NFE2L3: variants seen among roughly 807,000 people sequenced by gnomAD.
NFE2L3 encodes the protein NFE2 like bZIP transcription factor 3, also known as nuclear factor erythroid 2-related factor 3.
A neutral mutation model predicts 23.5 loss-of-function variants in NFE2L3; 18 were observed. The ratio of observed to expected loss-of-function variants is 0.77; its 90% CI spans 0.53 to 1.13. The LOEUF (loss-of-function observed/expected upper bound fraction) is 1.13, where lower values mean the gene tolerates loss of function less well. Ranked by LOEUF, NFE2L3 falls within the 50% of genes most tolerant of loss-of-function variation. The pLI is 0.00. For synonymous variants in NFE2L3, 424 were observed against 354.5 expected (o/e 1.20, Z -2.20); for missense variants, 1,152 against 877.2 (o/e 1.31, Z -3.96).
intron 1 of NFE2L3, among the ~76,000 whole-genome samples, chr7:26,169,048 G>T (rs1404922769): frequency 6.6e-6 from 1 of 152,174 alleles, no homozygotes; most frequent in Non-Finnish European, 1.5e-5. Flanking sequence ...TTTGCAGACT[G>T]CACATTATAT....
intron 1 of NFE2L3, chr7:26,174,451 T>A (rs1257089405): frequency 6.6e-6 from 1 of 152,196 alleles, no homozygotes; most frequent in Non-Finnish European, 1.5e-5. Context: ...AAAGAACTGT[T>A]GATGCAGAAG....
chr7:26,164,708 G>GTT (rs1356056464), intron 1 of NFE2L3, among the ~76,000 whole-genome samples: 2 of 152,200 alleles, frequency 1.3e-5, no homozygotes, highest in African/African-American at 4.8e-5. Flanking sequence ...TGCTTTTGGT[G>GTT]TTTTAGACAT....
intron 2 of NFE2L3, among the ~76,000 whole-genome samples, chr7:26,181,904 T>C (rs765933704): frequency 1.3e-5 from 2 of 152,094 alleles, no homozygotes; most frequent in Non-Finnish European, 2.9e-5. Context: ...AAGAAAGATC[T>C]AAGAAAATTA....
In NFE2L3 at chr7:26,185,878, A is replaced by G. The variant is rs1767616653; in HGVS notation, c.*95A>G. 2.0e-6 allele frequency: 2 copies of G among 1,007,732 alleles called. No individual in the cohort carries two copies. The highest frequency in any genetic ancestry group is 1.8e-5 in the South Asian group (1 of 55,828). The allele number at this position is 1,007,732 out of a possible 1,614,324, so 62.4% of individuals were successfully genotyped here. On this transcript the variant is annotated 3_prime_UTR_variant, in exon 4 of 4. Coordinates refer to ENST00000056233, the MANE Select transcript of NFE2L3 (RefSeq NM_004289.7). The stretch of plus-strand genomic sequence containing the variant: ...CCATTGAAACTGCTTCAAGAATTGT[A>G]TCTTTAAGTACTGCTACTTGAATAA...
At chr7:26,165,571 T>C (rs1313964693) in intron 1 of NFE2L3, among the ~76,000 whole-genome samples, 2 of 152,230 alleles carry the variant, frequency 1.3e-5, no homozygotes, top group East Asian at 3.8e-4. Flanking sequence ...ATTTTCTAGA[T>C]ATACAATCAT....
intron 2 of NFE2L3, 61 bp from the exon 3 acceptor site, chr7:26,183,640 C>T: frequency 3.9e-6 from 4 of 1,026,686 alleles, no homozygotes; most frequent in South Asian, 2.6e-5. Context: ...AAGATAAAGC[C>T]TAAAGCCCCA....
In NFE2L3 at chr7:26,185,533, A is replaced by T. The variant is rs1782461454; in HGVS notation, c.1835A>T (p.Asn612Ile). 2 of 1,613,958 alleles carry T rather than the reference A, an allele frequency of 1.2e-6. No individual in the cohort carries two copies. Among genetic ancestry groups the T allele is most frequent in the Non-Finnish European group, 1.7e-6 (2 of 1,179,842 alleles). ...IILNLEDDVC[N>I]LQAKKETLKR... ...TTGAATTTAGAAGATGATGTATGTA[A>T]CTTGCAAGCAAAGAAGGAAACTCTT... Residue 612 changes from asparagine (N) to isoleucine (I), a missense_variant, in exon 4 of 4, where the codon AAC becomes ATC. By Grantham distance (149) the Asn-to-Ile change is moderately radical (BLOSUM62 -3). Transcript: ENST00000056233.
intron 1 of NFE2L3, among the ~76,000 whole-genome samples, chr7:26,177,367 C>T (rs1413924518): frequency 6.6e-6 from 1 of 152,230 alleles, no homozygotes; most frequent in African/African-American, 2.4e-5. Flanking sequence ...GAGGCCGAGG[C>T]GGGCAGATCA....
chr7:26,178,190 TTG>T (rs2128099605), intron 2 of NFE2L3, 68 bp downstream of exon 2: 1 of 1,392,348 alleles, frequency 7.2e-7, no homozygotes, highest in East Asian at 2.4e-5. Flanking sequence ...CATTGACAGT[TTG>T]TGTCAAGAAT....
rs1456566319 is a variant in NFE2L3, at chr7:26,185,922, G to A, written c.*139G>A. 1.7e-5 allele frequency: 13 copies of A among 743,388 alleles called. No homozygotes were observed. The highest frequency in any genetic ancestry group is 2.3e-5 in the Non-Finnish European group (11 of 476,112). 46.0% of individuals were successfully genotyped at this position (743,388 alleles called of 1,614,324 possible). On this transcript the variant is annotated 3_prime_UTR_variant, in exon 4 of 4. Transcript: ENST00000056233. ...TGAATAACTCAGTTAACGCTGTTTT[G>A]AAGCTTACATGGACAAATGTTTAGG...
At chr7:26,182,863 G>A (rs1782358068) in intron 2 of NFE2L3, among the ~76,000 whole-genome samples, 1 of 152,092 alleles carries the variant, frequency 6.6e-6, no homozygotes, top group Non-Finnish European at 1.5e-5. Context: ...GCGCTGTCAC[G>A]ACTCACTGCA....
intron 2 of NFE2L3, among the ~76,000 whole-genome samples, chr7:26,180,244 A>C (rs911240301): frequency 2.0e-5 from 3 of 152,172 alleles, no homozygotes; most frequent in African/African-American, 7.2e-5. Flanking sequence ...GACATTCTTC[A>C]GATGAAGGGG....
Position 26,184,707 on chromosome 7 carries a change from C to G in NFE2L3, c.1009C>G (p.Gln337Glu), listed in dbSNP as rs2128100659. ...FRRDPTARTS[Q>E]SQEPFLQLNS... ...AAGAGATCCAACAGCAAGGACTTCA[C>G]AGTCACAAGAACCATTTCTGCAGTT... The change falls in exon 4 of 4, where the codon CAG becomes GAG. Residue 337 changes from glutamine to glutamate, a missense_variant. Physicochemically the swap from Gln to Glu is conservative, Grantham distance 29. Coordinates refer to ENST00000056233, the MANE Select transcript of NFE2L3 (RefSeq NM_004289.7). 6.8e-6 allele frequency: 11 copies of G among 1,613,900 alleles called. No homozygotes were observed. The highest frequency in any genetic ancestry group is 9.3e-6 in the Non-Finnish European group (11 of 1,179,842).
In NFE2L3 at chr7:26,184,999, A is replaced by G; in HGVS notation, c.1301A>G (p.Lys434Arg). Residue 434 changes from lysine (K) to arginine (R), a missense_variant, in exon 4 of 4, where the codon AAG becomes AGG. Lys to Arg is a conservative substitution (Grantham distance 26). Coordinates refer to ENST00000056233, the MANE Select transcript of NFE2L3 (RefSeq NM_004289.7). ...DSSHNNTSVI[K>R]SNSSHSVCDE... ...AGTCACAATAATACCTCTGTCATCA[A>G]GTCTAATTCCTCTCACTCTGTGTGT... 2.5e-6 allele frequency: 4 copies of G among 1,613,880 alleles called. No homozygotes were observed. Among genetic ancestry groups the G allele is most frequent in the Non-Finnish European group, 1.7e-6 (2 of 1,179,834 alleles).
At position 26,185,610 on chromosome 7, in the gene NFE2L3, C is replaced by A; in HGVS notation, c.1912C>A (p.Leu638Met). Residue 638 changes from leucine to methionine, a missense_variant, in exon 4 of 4, where the codon CTG (leucine) becomes ATG (methionine). By Grantham distance (15) the Leu-to-Met change is conservative. Transcript: ENST00000056233. ...NKAINIMKQK[L>M]HDLYHDIFSR... Reference sequence around the variant, plus strand: ...AGCTATTAACATAATGAAACAGAAACTGCATGACCTTTATCATGATATTTT... The same window carrying A: ...AGCTATTAACATAATGAAACAGAAAATGCATGACCTTTATCATGATATTTT... 7.4e-6 allele frequency: 12 copies of A among 1,613,834 alleles called. No individual in the cohort carries two copies. Among genetic ancestry groups the A allele is most frequent in the Non-Finnish European group, 1.0e-5 (12 of 1,179,800 alleles).
At position 26,152,481 on chromosome 7, in the gene NFE2L3, C is replaced by G. The variant is rs766435184; in HGVS notation, c.-18C>G. 2.9e-5 allele frequency: 38 copies of G among 1,293,062 alleles called. No homozygotes were observed. The highest frequency in any genetic ancestry group is 3.6e-5 in the Non-Finnish European group (37 of 1,022,154). 80.1% of individuals were successfully genotyped at this position (1,293,062 alleles called of 1,614,324 possible). ...ACCCGCGGGCGCCGGCAGGGGCGTTCCCGGGCGCGCGGCGGCGATGAAGCA... is the reference window on the plus strand; with the variant it reads ...ACCCGCGGGCGCCGGCAGGGGCGTTGCCGGGCGCGCGGCGGCGATGAAGCA... On this transcript the variant is annotated 5_prime_UTR_variant, in exon 1 of 4. Transcript: ENST00000056233. This position sits in a 1 kb window ranked among gnomAD's most constrained non-coding sequence, Gnocchi z 4.4.
intron 1 of NFE2L3, among the ~76,000 whole-genome samples, chr7:26,157,813 T>A (rs1003024031): frequency 5.3e-5 from 8 of 152,280 alleles, no homozygotes; most frequent in Middle Eastern, 3.4e-3. Flanking sequence ...TCTCTAACAG[T>A]TCTGGAGGCA....
rs376012305 is a variant in NFE2L3 at position 26,185,202 on chromosome 7, T to C, written c.1504T>C (p.Leu502=). Residue 502 remains leucine (L), a synonymous_variant, in exon 4 of 4, where the codon TTA becomes CTA. Coordinates refer to ENST00000056233, the MANE Select transcript of NFE2L3 (RefSeq NM_004289.7). The part of the protein sequence containing the change: ...QHVFHNHTYH[L]QPTAPESTSE... ...CGTATTTCATAACCACACTTACCAC[T>C]TACAGCCAACTGCACCAGAATCTAC... The C allele has an allele frequency of 1.5e-5, 25 of 1,613,760 alleles. No individual in the cohort carries two copies. Among genetic ancestry groups the C allele is most frequent in the Admixed American group, 8.3e-5 (5 of 59,994 alleles).
Position 26,184,906 on chromosome 7 carries a change from T to G in NFE2L3, c.1208T>G (p.Phe403Cys). The change falls in exon 4 of 4, where the codon TTT becomes TGT. Residue 403 changes from phenylalanine to cysteine, a missense_variant. Transcript: ENST00000056233. ...ATGTCATTGGCCACAGAAGACAACT[T>G]TGATCCAATCGATGTTTCTCAGCTT... Reference protein sequence around the residue: ...NLMSLATEDNFDPIDVSQLFD... With the variant: ...NLMSLATEDNCDPIDVSQLFD... 5.6e-6 allele frequency: 9 copies of G among 1,613,974 alleles called. No individual in the cohort carries two copies. The highest frequency in any genetic ancestry group is 6.8e-6 in the Non-Finnish European group (8 of 1,179,862).
Sources: gnomAD v4.1 joint callset for allele counts (sites outside exome capture counted in the v4.1 genomes callset) on GRCh38, gnomAD v4.1.1 for gene constraint, Gnocchi (gnomAD v3.1) non-coding constraint, MANE v1.5 for transcripts, NCBI Gene and HGNC (gene_info 2026-07-23, HGNC 2026-07-21) for gene names.